The following SUCO variants were observed in gnomAD, a reference collection of about 807,000 sequenced individuals.
SUCO encodes the protein SUN domain-containing ossification factor.
SUCO carries 57 observed loss-of-function variants against 148.1 expected under a neutral mutation model. The ratio of observed to expected loss-of-function variants is 0.38; its 90% CI spans 0.31 to 0.48. SUCO has a LOEUF of 0.48. Among genes scored for constraint, SUCO ranks in the 20% least tolerant of loss-of-function variants. The pLI, the probability that SUCO is intolerant of heterozygous loss-of-function variation, is 0.96. For synonymous variants in SUCO, 470 were observed against 502.7 expected (o/e 0.93, Z 0.87); for missense variants, 1,331 against 1,468.2 (o/e 0.91, Z 1.53).
intron 3 of SUCO, 81 bp downstream of exon 3, chr1:172,553,451 G>A: frequency 9.9e-7 from 1 of 1,008,110 alleles, no homozygotes. Flanking sequence ...TCACCATATT[G>A]TGTGTGTATT....
At chr1:172,576,227 C>G (rs148999616) in intron 11 of SUCO, among the ~76,000 whole-genome samples, 39 of 145,490 alleles carry the variant, frequency 2.7e-4, no homozygotes, top group African/African-American at 9.2e-4. Flanking sequence ...TTACTCCTTC[C>G]TTTCCTCTTT....
At chr1:172,533,097 C>T, upstream of SUCO, 1 of 1,428,384 alleles carries the variant, frequency 7.0e-7, no homozygotes. Context: ...GAGTACGCGG[C>T]GGCCGTTGGT....
intron 22 of SUCO, among the ~76,000 whole-genome samples, chr1:172,604,890 T>C (rs1236914848): frequency 1.3e-5 from 2 of 151,842 alleles, no homozygotes; most frequent in East Asian, 1.9e-4. Flanking sequence ...TCCATTTTAT[T>C]TATGTACCTC....
intron 17 of SUCO, among the ~76,000 whole-genome samples, chr1:172,587,444 C>G (rs1001752511): frequency 2.4e-4 from 37 of 152,072 alleles, no homozygotes; most frequent in Middle Eastern, 3.4e-3. Context: ...CATCTGTATT[C>G]AGTATTTTTT....
intron 15 of SUCO, among the ~76,000 whole-genome samples, chr1:172,580,154 C>A (rs3754424): frequency 6.6e-6 from 1 of 151,966 alleles, no homozygotes; most frequent in African/African-American, 2.4e-5. Context: ...CTCCTTCTAG[C>A]CTTTTCTTTC....
chr1:172,581,575 G>C (rs1398508455), intron 15 of SUCO, among the ~76,000 whole-genome samples: 1 of 152,168 alleles, frequency 6.6e-6, no homozygotes, highest in Non-Finnish European at 1.5e-5. Context: ...ACTTGAAGAA[G>C]TAAATAATAA....
In SUCO at chr1:172,555,924, A is replaced by T. The variant is rs1192347346; in HGVS notation, c.344A>T (p.Asp115Val). 1 of 1,613,494 alleles carries T rather than the reference A, an allele frequency of 6.2e-7. No individual in the cohort carries two copies. The highest frequency in any genetic ancestry group is 2.2e-5 in the East Asian group (1 of 44,856). ...PPVVETLPTV[D>V]LHEESSNAVV... is the part of the protein sequence containing the mutation. Reference sequence around the variant, plus strand: ...GTGGTGGAGACACTCCCTACAGTTGATTTGCATGAAGAGTCTTCCAATGCA... The same window carrying T: ...GTGGTGGAGACACTCCCTACAGTTGTTTTGCATGAAGAGTCTTCCAATGCA... The change falls in exon 4 of 24, where the codon GAT (aspartate) becomes GTT (valine). Residue 115 changes from aspartate to valine, a missense_variant. Around this residue, in one of 3 missense-constraint regions of SUCO, gnomAD observed 992 missense variants for 1,093.5 expected, o/e 0.91. Coordinates refer to ENST00000263688, the MANE Select transcript of SUCO (RefSeq NM_014283.5).
chr1:172,542,107 C>T (rs1652502984), intron 1 of SUCO, among the ~76,000 whole-genome samples: 1 of 152,086 alleles, frequency 6.6e-6, no homozygotes, highest in Non-Finnish European at 1.5e-5. Flanking sequence ...GTGCCAGGCA[C>T]GGTGGCTTAT....
At chr1:172,598,082 G>A (rs1211198796) in intron 19 of SUCO, among the ~76,000 whole-genome samples, 1 of 152,134 alleles carries the variant, frequency 6.6e-6, no homozygotes, top group African/African-American at 2.4e-5. Flanking sequence ...TTAGGCCCAT[G>A]ATTCATTTTG....
rs1288299331 is a variant in SUCO, at chr1:172,557,785, A to G, written c.723A>G (p.Leu241=). 1 of 1,593,228 alleles carries G rather than the reference A, an allele frequency of 6.3e-7. No individual in the cohort carries two copies. The highest frequency in any genetic ancestry group is 8.5e-7 in the Non-Finnish European group (1 of 1,174,146). ...PKSALNASDN[L]KNESSDYTKP... is the part of the protein sequence containing the mutation. The stretch of plus-strand genomic sequence containing the variant: ...CTGCATTGAATGCTTCAGATAATTT[A>G]AAAAATGAGGTAGGTATATAACTTG... The change falls in exon 6 of 24, where the codon TTA becomes TTG. Residue 241 remains leucine, a synonymous_variant. Coordinates refer to ENST00000263688, the MANE Select transcript of SUCO (RefSeq NM_014283.5).
intron 22 of SUCO, among the ~76,000 whole-genome samples, chr1:172,604,877 C>A (rs972351077): frequency 1.2e-4 from 18 of 151,878 alleles, no homozygotes; most frequent in African/African-American, 4.3e-4. Context: ...AAATAATATT[C>A]CATCCATTTT....
intron 3 of SUCO, among the ~76,000 whole-genome samples, chr1:172,554,731 CTG>C (rs1336421637): frequency 7.2e-6 from 1 of 139,444 alleles, no homozygotes; most frequent in Non-Finnish European, 1.5e-5. Context: ...GAGTGAGACT[CTG>C]TCTCAAAAAA....
chr1:172,534,831 CT>C (rs1257279520), intron 1 of SUCO, among the ~76,000 whole-genome samples: 3 of 152,126 alleles, frequency 2.0e-5, no homozygotes, highest in Non-Finnish European at 4.4e-5. Context: ...TGTGTATTTT[CT>C]TTCCTCTTTC....
intron 1 of SUCO, among the ~76,000 whole-genome samples, chr1:172,546,552 A>G (rs1163456210): frequency 2.0e-5 from 3 of 152,208 alleles, no homozygotes; most frequent in African/African-American, 7.2e-5. Context: ...TTCAGAGTCA[A>G]AAAAATCCAA....
At chr1:172,550,923 CT>C in intron 1 of SUCO, 1 of 949,952 alleles carries the variant, frequency 1.1e-6, no homozygotes, top group Non-Finnish European at 1.3e-6. Flanking sequence ...CTTAACTCTA[CT>C]TGATAATAAT....
Position 172,611,023 on chromosome 1 carries a change from CACTT to C in SUCO, c.*766_*769del, listed in dbSNP as rs1484149877. 9 of 152,606 alleles carry C rather than the reference CACTT, an allele frequency of 5.9e-5. No homozygotes were observed. The highest frequency in any genetic ancestry group is 2.1e-4 in the South Asian group (1 of 4,834). The allele number at this position is 152,606 out of a possible 1,614,324, so 9.5% of individuals were successfully genotyped here. On this transcript the variant is annotated 3_prime_UTR_variant, in exon 24 of 24. Transcript: ENST00000263688. ...TTTTGACAAATTCACCTTTTAAACA[CACTT>C]AACCATTTGTGAAGGTTTTCTTTAG...
chr1:172,581,529 T>G (rs1237813317), intron 15 of SUCO, among the ~76,000 whole-genome samples: 2 of 152,168 alleles, frequency 1.3e-5, no homozygotes, highest in Non-Finnish European at 2.9e-5. Flanking sequence ...CTCTGAAGTT[T>G]GGGACTGAAT....
chr1:172,599,367 C>T (rs1657350940), intron 19 of SUCO: 1 of 608,298 alleles, frequency 1.6e-6, no homozygotes, highest in Non-Finnish European at 2.1e-6. Context: ...TTAAAGTCTC[C>T]CTAATACAGG....
At chr1:172,536,932 A>T (rs906261404) in intron 1 of SUCO, among the ~76,000 whole-genome samples, 1 of 152,156 alleles carries the variant, frequency 6.6e-6, no homozygotes, top group Non-Finnish European at 1.5e-5. Flanking sequence ...CCAGCCAGAC[A>T]TTCCAGGATA....
Sources: allele counts gnomAD v4.1 joint callset (sites outside exome capture counted in the v4.1 genomes callset), GRCh38; gene constraint gnomAD v4.1.1; regional missense constraint gnomAD v4.1.1; transcripts MANE v1.5; gene names NCBI Gene and HGNC (gene_info 2026-07-23, HGNC 2026-07-21).